Variants in CCNY observed in about 807,000 individuals in gnomAD.
The protein encoded by CCNY is cyclin Y, also known as cyclin-Y.
A neutral mutation model predicts 42.8 loss-of-function variants in CCNY; 19 were observed. That is an observed-to-expected ratio of 0.44 (90% CI 0.31 to 0.65). The LOEUF (loss-of-function observed/expected upper bound fraction) is 0.65, where lower values mean the gene tolerates loss of function less well. Among genes scored for constraint, CCNY ranks in the 30% least tolerant of loss-of-function variants. The probability of loss-of-function intolerance (pLI) is 0.07; values close to 1 mark genes in which losing one functional copy is unlikely to be tolerated. For missense variants in CCNY, 370 were observed against 437.3 expected (o/e 0.85, Z 1.37); for synonymous variants, 165 against 162.7 (o/e 1.01, Z -0.11).
chr10:35,260,916 G>A (rs2095719060), intron 3 of CCNY, among the ~76,000 whole-genome samples: 2 of 152,098 alleles, frequency 1.3e-5, no homozygotes, highest in South Asian at 4.1e-4. Flanking sequence ...TTCAAAACCA[G>A]CCACGGCAAC....
chr10:35,361,180 C>T (rs1489773977), intron 1 of CCNY, among the ~76,000 whole-genome samples: 1 of 152,140 alleles, frequency 6.6e-6, no homozygotes, highest in Admixed American at 6.5e-5. Flanking sequence ...TTTATTCATC[C>T]ACTTATTTAT....
At chr10:35,373,805 A>T (rs990101865) in intron 1 of CCNY, among the ~76,000 whole-genome samples, 1 of 150,396 alleles carries the variant, frequency 6.6e-6, no homozygotes, top group African/African-American at 2.4e-5. Context: ...TAAGGGTTGC[A>T]GTCAACAGGA....
chr10:35,478,031 A>G lies in CCNY; in HGVS notation c.155-5373A>G, dbSNP rs1248473559. Among the ~76,000 whole-genome samples, 557 of 147,278 alleles carry G rather than the reference A, an allele frequency of 3.8e-3. 4 individuals are homozygous for G. Among genetic ancestry groups the G allele is most frequent in the African/African-American group, 0.014 (542 of 39,738 alleles). On this transcript the variant is annotated intron_variant, in intron 1 of 9. Coordinates refer to ENST00000374704, the MANE Select transcript of CCNY (RefSeq NM_145012.6). ...AGAGCCAAATCATGAGTGAACTCCC[A>G]TTCACAATTGCTTCAAAGAGAATAA...
At chr10:35,260,815 G>T (rs1367465416) in intron 3 of CCNY, among the ~76,000 whole-genome samples, 1 of 152,192 alleles carries the variant, frequency 6.6e-6, no homozygotes, top group Non-Finnish European at 1.5e-5. Context: ...TGCAAGGCTT[G>T]GTGTGTTAAG....
At chr10:35,457,962 C>A (rs573595086) in intron 1 of CCNY, among the ~76,000 whole-genome samples, 73 of 152,264 alleles carry the variant, frequency 4.8e-4, no homozygotes, top group Admixed American at 1.2e-3. Flanking sequence ...TTTTTTCCTT[C>A]TGTTGTTTTA....
intron 1 of CCNY, among the ~76,000 whole-genome samples, chr10:35,465,945 G>GTGTGTC (rs1839257886): frequency 6.6e-6 from 1 of 151,046 alleles, no homozygotes; most frequent in Non-Finnish European, 1.5e-5. Context: ...GAGAGTGTGT[G>GTGTGTC]TGTGTGTGTG....
intron 3 of CCNY, among the ~76,000 whole-genome samples, chr10:35,507,532 T>TA (rs1295744699): frequency 6.6e-6 from 1 of 152,234 alleles, no homozygotes; most frequent in Non-Finnish European, 1.5e-5. Context: ...AGACCAAGGC[T>TA]ATTCTCTGTG....
At chr10:35,368,791 A>C (rs995688569) in intron 1 of CCNY, among the ~76,000 whole-genome samples, 6 of 138,020 alleles carry the variant, frequency 4.3e-5, no homozygotes, top group Admixed American at 2.1e-4. Flanking sequence ...GAGAGTCCTA[A>C]ATCAGAGATA....
intron 3 of CCNY, chr10:35,251,023 G>A (rs2095711610): frequency 6.6e-6 from 1 of 152,124 alleles, no homozygotes; most frequent in Non-Finnish European, 1.5e-5. Context: ...TAATCTTCTC[G>A]TATCATTCCC....
rs189571649 is a variant in CCNY at position 35,357,253 on chromosome 10, T to C, written c.154+20046T>C. On this transcript the variant is annotated intron_variant, in intron 1 of 9. Coordinates refer to ENST00000374704, the MANE Select transcript of CCNY (RefSeq NM_145012.6). The stretch of plus-strand genomic sequence containing the variant: ...TCACTTTACCTTTATGAGGTAATGT[T>C]TACCACAGTCTGAAATTATCTTATT... Among the ~76,000 whole-genome samples the C allele has an allele frequency of 4.0e-4, 60 of 149,610 alleles. No individual in the cohort carries two copies. In the East Asian group the frequency reaches 8.4e-3, roughly 21 times the overall value.
At chr10:35,292,820 T>A (rs1835430542) in intron 3 of CCNY, among the ~76,000 whole-genome samples, 1 of 150,058 alleles carries the variant, frequency 6.7e-6, no homozygotes, top group African/African-American at 2.5e-5. Flanking sequence ...AGTCTTGTTC[T>A]TGTCTGCCAG....
In CCNY at chr10:35,512,767, T is replaced by G. The variant is rs116633322; in HGVS notation, c.265-3756T>G. Among the ~76,000 whole-genome samples, 1,064 of 152,158 alleles carry G rather than the reference T, an allele frequency of 7.0e-3. 11 individuals carry two copies. The highest frequency in any genetic ancestry group is 0.024 in the African/African-American group (1,015 of 41,468). On this transcript the variant is annotated intron_variant, in intron 3 of 9. Coordinates refer to ENST00000374704, the MANE Select transcript of CCNY (RefSeq NM_145012.6). ...GCTGTCTGGTGGCCTCTGGGTTCTG[T>G]GACTCAAACTCCCTGTGGGGAGCTC...
At chr10:35,513,328 A>G (rs1564441259) in intron 3 of CCNY, among the ~76,000 whole-genome samples, 1 of 152,186 alleles carries the variant, frequency 6.6e-6, no homozygotes, top group African/African-American at 2.4e-5. Context: ...TTAACTCTGT[A>G]GTATCTGCGC....
chr10:35,569,385 A>G lies in CCNY; in HGVS notation c.*215A>G. ...GCTCGCTCTCCCCACTGTCAGCAAC[A>G]GCACTTCCTTCGTGGAGGAAGTGGA... is the stretch of plus-strand genomic sequence containing the variant. On this transcript the variant is annotated 3_prime_UTR_variant, in exon 10 of 10. Transcript: ENST00000374704. The G allele has an allele frequency of 1.8e-6, 1 of 562,712 alleles. No individual in the cohort carries two copies. The highest frequency in any genetic ancestry group is 2.2e-5 in the South Asian group (1 of 44,600). 34.9% of individuals were successfully genotyped at this position (562,712 alleles called of 1,614,324 possible).
intron 1 of CCNY, among the ~76,000 whole-genome samples, chr10:35,474,493 A>C (rs1357748265): frequency 1.3e-5 from 2 of 151,972 alleles, no homozygotes; most frequent in Non-Finnish European, 2.9e-5. Flanking sequence ...CTGACCCCTG[A>C]CCCCCGAGCA....
At chr10:35,523,334 G>A (rs1319841781) in intron 4 of CCNY, among the ~76,000 whole-genome samples, 2 of 152,186 alleles carry the variant, frequency 1.3e-5, no homozygotes, top group East Asian at 3.8e-4. Flanking sequence ...GGGCGCAGTG[G>A]GGCAGAGATG....
chr10:35,303,717 C>A (rs1163785990), intron 3 of CCNY, among the ~76,000 whole-genome samples: 3 of 127,694 alleles, frequency 2.3e-5, no homozygotes, highest in African/African-American at 9.0e-5. Flanking sequence ...GCGGAGGTTG[C>A]GGTGAGCCGA....
chr10:35,523,277 T>C (rs1409979041), intron 4 of CCNY, among the ~76,000 whole-genome samples: 1 of 152,208 alleles, frequency 6.6e-6, no homozygotes, highest in Non-Finnish European at 1.5e-5. Flanking sequence ...GACCTTCATT[T>C]CCACTTGGCC....
intron 1 of CCNY, among the ~76,000 whole-genome samples, chr10:35,386,902 T>C (rs1484902625): frequency 6.6e-6 from 1 of 152,136 alleles, no homozygotes; most frequent in African/African-American, 2.4e-5. Flanking sequence ...TCTGAAAGCG[T>C]TGGGAGTGAA....
Sources: allele counts gnomAD v4.1 joint callset (sites outside exome capture counted in the v4.1 genomes callset), GRCh38; gene constraint gnomAD v4.1.1; transcripts MANE v1.5; gene names NCBI Gene and HGNC (gene_info 2026-07-23, HGNC 2026-07-21).